The following LRRC74A variants were observed in gnomAD, a reference collection of about 807,000 sequenced individuals.
The protein encoded by LRRC74A is leucine rich repeat containing 74A, also known as leucine-rich repeat-containing protein 74A.
In LRRC74A, 44 loss-of-function variants were observed where a neutral mutation model predicts 57.9. The observed-to-expected ratio is 0.76, with a 90% CI of 0.60 to 0.98. LRRC74A has a LOEUF of 0.98. Ranked by LOEUF, LRRC74A falls within the 50% of genes least tolerant of loss-of-function variation. The pLI, the probability that LRRC74A is intolerant of heterozygous loss-of-function variation, is 0.00. For missense variants in LRRC74A, 572 were observed against 574.0 expected (o/e 1.00, Z 0.04); for synonymous variants, 211 against 219.4 (o/e 0.96, Z 0.34).
intron 1 of LRRC74A, among the ~76,000 whole-genome samples, chr14:76,827,503 G>A (rs1274616238): frequency 6.6e-6 from 1 of 152,162 alleles, no homozygotes; most frequent in East Asian, 1.9e-4. Context: ...ATTGAGCTCT[G>A]GATTTTATGT....
intron 7 of LRRC74A, among the ~76,000 whole-genome samples, chr14:76,847,632 G>A (rs558355154): frequency 3.6e-4 from 55 of 151,922 alleles, no homozygotes; most frequent in South Asian, 3.1e-3. Flanking sequence ...AACAAACCCT[G>A]TGACACAAGT....
intron 7 of LRRC74A, among the ~76,000 whole-genome samples, chr14:76,849,000 A>G (rs1454695032): frequency 6.6e-6 from 1 of 152,216 alleles, no homozygotes; most frequent in Non-Finnish European, 1.5e-5. Context: ...AGTTCAGTTC[A>G]GACCACTAGG....
At chr14:76,833,180 G>A (rs913440045) in intron 3 of LRRC74A, among the ~76,000 whole-genome samples, 3 of 152,202 alleles carry the variant, frequency 2.0e-5, no homozygotes, top group Non-Finnish European at 4.4e-5. Flanking sequence ...GGAAAACTGA[G>A]TTGGCCAAGT....
chr14:76,834,208 C>T (rs1896163038), intron 3 of LRRC74A, among the ~76,000 whole-genome samples: 2 of 152,014 alleles, frequency 1.3e-5, no homozygotes, highest in Admixed American at 6.6e-5. Flanking sequence ...AGAAAGGAGC[C>T]GAGAAAGAAC....
rs556038894 is a variant in LRRC74A, at chr14:76,850,450, G to A, written c.677-1915G>A. Among the ~76,000 whole-genome samples, 12 of 151,934 alleles carry A rather than the reference G, an allele frequency of 7.9e-5. No individual in the cohort carries two copies. The South Asian group carries it at 2.3e-3, about 29-fold the overall frequency. ...AAAAGAGAGTGAAGGAGGGGAGGGG[G>A]TAATGAAGGCAGGAGAAAGTTTGTT... On this transcript the variant is annotated intron_variant, in intron 7 of 13. Transcript: ENST00000689127.
At chr14:76,840,231 G>C (rs2140273270) in intron 5 of LRRC74A, among the ~76,000 whole-genome samples, 1 of 152,164 alleles carries the variant, frequency 6.6e-6, no homozygotes. Context: ...AAAATTGCTT[G>C]AGCCCAGGAC....
chr14:76,846,299 G>A (rs1293278420), intron 7 of LRRC74A, among the ~76,000 whole-genome samples: 1 of 152,156 alleles, frequency 6.6e-6, no homozygotes, highest in East Asian at 1.9e-4. Flanking sequence ...ACAACCGAGC[G>A]AAATAAGAAT....
chr14:76,831,424 G>T, intron 3 of LRRC74A, 49 bp downstream of exon 3: 1 of 1,599,862 alleles, frequency 6.3e-7, no homozygotes, highest in South Asian at 1.1e-5. Context: ...GTGGAGGGTT[G>T]GCAGAGTGGT....
intron 13 of LRRC74A, among the ~76,000 whole-genome samples, 158 bp downstream of exon 13, chr14:76,867,596 C>T (rs138503774): frequency 1.3e-5 from 2 of 152,150 alleles, no homozygotes; most frequent in African/African-American, 4.8e-5. Flanking sequence ...GTCTACCCCC[C>T]TTCTCATCCC....
chr14:76,859,662 C>T (rs1402105829), intron 10 of LRRC74A, among the ~76,000 whole-genome samples: 4 of 80,902 alleles, frequency 4.9e-5, no homozygotes, highest in South Asian at 4.1e-4. Flanking sequence ...CTGAATTAGC[C>T]TTTTTTTTTT....
intron 9 of LRRC74A, 44 bp from the exon 10 acceptor site, chr14:76,857,336 T>C (rs1386140998): frequency 1.1e-5 from 14 of 1,294,938 alleles, no homozygotes; most frequent in Non-Finnish European, 1.4e-5. Context: ...GGCCAGCCTC[T>C]CCTCCCATCT....
Position 76,838,121 on chromosome 14 carries a change from A to G in LRRC74A, c.544+150A>G, listed in dbSNP as rs564653467. Reference sequence around the variant, plus strand: ...GCATCTATGCCTGCTAAACCCTCCCAGTCACACTCCCCTAGCCCCCGCCAT... The same window carrying G: ...GCATCTATGCCTGCTAAACCCTCCCGGTCACACTCCCCTAGCCCCCGCCAT... On this transcript the variant is annotated intron_variant, in intron 5 of 13. Coordinates refer to ENST00000689127, the MANE Select transcript of LRRC74A (RefSeq NM_001385106.1). 3.8e-5 allele frequency: 21 copies of G among 557,504 alleles called. 1 individual carries two copies. Among genetic ancestry groups the G allele is most frequent in the Non-Finnish European group, 6.0e-5 (19 of 317,472 alleles). 34.5% of individuals were successfully genotyped at this position (557,504 alleles called of 1,614,324 possible). A position where few individuals can be genotyped will look rare whatever the true frequency, so the allele number is the denominator to read the frequency against.
intron 1 of LRRC74A, 112 bp downstream of exon 1, chr14:76,826,846 A>G (rs1311880480): frequency 4.6e-6 from 3 of 654,578 alleles, no homozygotes; most frequent in African/African-American, 1.8e-5. Flanking sequence ...GGGACCCTCT[A>G]GAAGTAGGAT....
At chr14:76,863,109 A>G (rs1417032221) in intron 11 of LRRC74A, among the ~76,000 whole-genome samples, 1 of 152,112 alleles carries the variant, frequency 6.6e-6, no homozygotes, top group African/African-American at 2.4e-5. Flanking sequence ...GGCAGATGTA[A>G]GAGCTATCAT....
At chr14:76,866,944 T>G (rs1595406898) in intron 12 of LRRC74A, among the ~76,000 whole-genome samples, 3 of 5,458 alleles carry the variant, frequency 5.5e-4, no homozygotes, top group Admixed American at 2.1e-3. Flanking sequence ...GTGGTAGGTG[T>G]GTGGGGTGTG....
intron 4 of LRRC74A, 87 bp from the exon 5 acceptor site, chr14:76,837,788 C>A: frequency 1.3e-6 from 1 of 760,530 alleles, no homozygotes; most frequent in Non-Finnish European, 2.2e-6. Context: ...CAGCACAGGA[C>A]TCAAGTAAAC....
intron 11 of LRRC74A, among the ~76,000 whole-genome samples, chr14:76,865,498 G>T (rs1898704609): frequency 6.6e-6 from 1 of 152,196 alleles, no homozygotes; most frequent in Non-Finnish European, 1.5e-5. Context: ...GGAATTCGTA[G>T]AGCCAAACTG....
intron 3 of LRRC74A, 148 bp downstream of exon 3, chr14:76,831,523 C>A: frequency 2.4e-6 from 2 of 842,194 alleles, no homozygotes; most frequent in Non-Finnish European, 3.6e-6. Context: ...TGCTTGGCTG[C>A]CAGATGATTT....
At chr14:76,863,013 A>C (rs1898439546) in intron 11 of LRRC74A, among the ~76,000 whole-genome samples, 3 of 152,174 alleles carry the variant, frequency 2.0e-5, no homozygotes, top group African/African-American at 7.2e-5. Flanking sequence ...GGGTAAGAAA[A>C]AAGAGTAGGA....
Sources: gnomAD v4.1 joint callset for allele counts (sites outside exome capture counted in the v4.1 genomes callset) on GRCh38, gnomAD v4.1.1 for gene constraint, MANE v1.5 for transcripts, NCBI Gene and HGNC (gene_info 2026-07-23, HGNC 2026-07-21) for gene names.